The following PPAT variants were observed in gnomAD, a reference collection of about 807,000 sequenced individuals.
PPAT encodes the protein amidophosphoribosyltransferase.
In PPAT, 20 loss-of-function variants were observed where a neutral mutation model predicts 60.2. The ratio of observed to expected loss-of-function variants is 0.33; its 90% CI spans 0.23 to 0.48. The LOEUF is 0.48. PPAT is among the 20% of genes least tolerant of loss of function. The probability of loss-of-function intolerance (pLI) is 0.99; values close to 1 mark genes in which losing one functional copy is unlikely to be tolerated. For missense variants in PPAT, 349 were observed against 629.6 expected, an observed-to-expected ratio of 0.55 and a Z score of 4.77; for synonymous variants, 194 against 215.1, an observed-to-expected ratio of 0.90 and a Z score of 0.86.
intron 1 of PPAT, among the ~76,000 whole-genome samples, chr4:56,427,851 A>C (rs1717373757): frequency 6.6e-6 from 1 of 152,122 alleles, no homozygotes; most frequent in African/African-American, 2.4e-5. Flanking sequence ...TTGATATATG[A>C]AGTCTAACAG....
chr4:56,417,402 C>A (rs920480524), intron 1 of PPAT, among the ~76,000 whole-genome samples: 1 of 151,752 alleles, frequency 6.6e-6, no homozygotes, highest in African/African-American at 2.4e-5. Context: ...ATGAACCTGA[C>A]AAAAGTTATT....
chr4:56,395,674 T>TAAA (rs3036882), intron 10 of PPAT, 126 bp from the exon 11 acceptor site: 4 of 467,460 alleles, frequency 8.6e-6, no homozygotes, highest in African/African-American at 4.3e-5. Flanking sequence ...AGCCTTTCTT[T>TAAA]AAAAAAAAAA....
intron 5 of PPAT, among the ~76,000 whole-genome samples, chr4:56,402,820 C>CAAAAAAAAAAAAAAAAAAAAA (rs556899549): frequency 4.5e-5 from 2 of 44,026 alleles, no homozygotes; most frequent in African/African-American, 1.9e-4. Context: ...ACTCGGTCTC[C>CAAAAAAAAAAAAAAAAAAAAA]AAAAAAAAAA....
chr4:56,432,736 G>A (rs754264135), intron 1 of PPAT, among the ~76,000 whole-genome samples: 23 of 146,846 alleles, frequency 1.6e-4, no homozygotes, highest in Non-Finnish European at 2.8e-4. Flanking sequence ...AGTGAGGGGA[G>A]ACTGCGCCAC....
Position 56,403,449 on chromosome 4 carries a change from C to T in PPAT, c.403-48G>A, listed in dbSNP as rs757579698. ...TTAATCATCAGAGGGGAAGCTCCAC[C>T]CCACCCCAAACCCAGTAGCCAACCA... On this transcript the variant is annotated intron_variant, in intron 3 of 10. Transcript: ENST00000264220. 9.8e-6 allele frequency: 14 copies of T among 1,422,588 alleles called. 1 individual carries two copies. In the Admixed American group the frequency reaches 2.2e-4, roughly 22 times the overall value. The allele number at this position is 1,422,588 out of a possible 1,614,324, so 88.1% of individuals were successfully genotyped here. A position where few individuals can be genotyped will look rare whatever the true frequency, so the allele number is the denominator to read the frequency against.
In PPAT at chr4:56,425,375, CA is replaced by C. The variant is rs1406819521; in HGVS notation, c.128+9974del. 53 of 761,046 alleles carry C rather than the reference CA, an allele frequency of 7.0e-5. No homozygotes were observed. In the South Asian group the frequency reaches 1.7e-3, roughly 25 times the overall value. The allele number at this position is 761,046 out of a possible 1,614,324, so 47.1% of individuals were successfully genotyped here. ...AACTTTTCATTTTAATCCAATAGTA[CA>C]TCCAGATAGAGAAGAACTTATTACT... is the stretch of plus-strand genomic sequence containing the variant. On this transcript the variant is annotated intron_variant, in intron 1 of 10. Coordinates refer to ENST00000264220, the MANE Select transcript of PPAT (RefSeq NM_002703.5).
At chr4:56,434,483 C>T (rs192195681) in intron 1 of PPAT, among the ~76,000 whole-genome samples, 74 of 152,334 alleles carry the variant, frequency 4.9e-4, no homozygotes, top group Non-Finnish European at 8.7e-4. Context: ...TTTATATCAA[C>T]TTCCAGTTAA....
chr4:56,430,676 T>G (rs1353262040), intron 1 of PPAT, among the ~76,000 whole-genome samples: 4 of 151,012 alleles, frequency 2.6e-5, no homozygotes, highest in Non-Finnish European at 4.4e-5. Context: ...AAAACTCTTG[T>G]GCGGTTAACC....
intron 6 of PPAT, 98 bp from the exon 7 acceptor site, chr4:56,401,579 G>A: frequency 9.3e-7 from 1 of 1,070,924 alleles, no homozygotes; most frequent in Middle Eastern, 2.3e-4. Context: ...CCTTCCCTTA[G>A]AGAAACAATT....
chr4:56,422,671 A>G (rs1578132626), intron 1 of PPAT: 1 of 152,242 alleles, frequency 6.6e-6, no homozygotes, highest in East Asian at 1.9e-4. Context: ...TGAGGTCATG[A>G]GAGTGGTGCC....
At chr4:56,404,834 C>T (rs570452475) in intron 3 of PPAT, among the ~76,000 whole-genome samples, 1 of 152,176 alleles carries the variant, frequency 6.6e-6, no homozygotes, top group East Asian at 1.9e-4. Flanking sequence ...GGTACAAAAG[C>T]CTGGGTTCTA....
intron 1 of PPAT, among the ~76,000 whole-genome samples, chr4:56,412,314 T>TC (rs1427646885): frequency 6.6e-6 from 1 of 151,922 alleles, no homozygotes; most frequent in Non-Finnish European, 1.5e-5. Flanking sequence ...ATCACCTTTT[T>TC]TTTTTTTTTT....
At chr4:56,431,723 G>T (rs185889366) in intron 1 of PPAT, among the ~76,000 whole-genome samples, 13 of 152,216 alleles carry the variant, frequency 8.5e-5, no homozygotes, top group Admixed American at 6.5e-4. Flanking sequence ...TTCCTTTTAT[G>T]GAATCTTCAA....
chr4:56,417,851 T>G (rs200582350), intron 1 of PPAT, among the ~76,000 whole-genome samples: 28,007 of 150,342 alleles, frequency 0.19, 3,018 homozygotes, highest in Admixed American at 0.32. Context: ...TGTTTTTTTT[T>G]TTTTTTTTGA....
Position 56,395,566 on chromosome 4 carries a change from A to G in PPAT, c.1358-18T>C. 6.7e-7 allele frequency: 1 copy of G among 1,491,116 alleles called. No individual in the cohort carries two copies. The highest frequency in any genetic ancestry group is 8.9e-7 in the Non-Finnish European group (1 of 1,123,412). 92.4% of individuals were successfully genotyped at this position (1,491,116 alleles called of 1,614,324 possible). Reference sequence around the variant, plus strand: ...GTTTGCTCCTAAAGAAAGAGGGAAAAATAAAAATGTAATAAGAATTCCTTT... The same window carrying G: ...GTTTGCTCCTAAAGAAAGAGGGAAAGATAAAAATGTAATAAGAATTCCTTT... On this transcript the variant is annotated intron_variant, in intron 10 of 10. Coordinates refer to ENST00000264220, the MANE Select transcript of PPAT (RefSeq NM_002703.5).
At chr4:56,424,119 T>C (rs1393976999) in intron 1 of PPAT, among the ~76,000 whole-genome samples, 1 of 152,230 alleles carries the variant, frequency 6.6e-6, no homozygotes, top group Non-Finnish European at 1.5e-5. Context: ...TTATTAATAA[T>C]AGCTCCATAT....
intron 1 of PPAT, among the ~76,000 whole-genome samples, chr4:56,426,588 T>C (rs73157733): frequency 0.026 from 4,008 of 152,284 alleles, 152 homozygotes; most frequent in East Asian, 0.2. Context: ...ATCCACGTTG[T>C]AGCATATATC....
At chr4:56,419,309 C>T (rs1716922468) in intron 1 of PPAT, among the ~76,000 whole-genome samples, 1 of 152,028 alleles carries the variant, frequency 6.6e-6, no homozygotes, top group Admixed American at 6.6e-5. Flanking sequence ...TGAACTTCCA[C>T]TATACACTGA....
At chr4:56,429,016 G>C (rs1188552808) in intron 1 of PPAT, 3 of 947,826 alleles carry the variant, frequency 3.2e-6, no homozygotes, top group Admixed American at 1.2e-4. Context: ...GTAAGAGCCA[G>C]AGAAATAACA....
Sources: gnomAD v4.1 joint callset for allele counts (sites outside exome capture counted in the v4.1 genomes callset) on GRCh38, gnomAD v4.1.1 for gene constraint, MANE v1.5 for transcripts, NCBI Gene and HGNC (gene_info 2026-07-23, HGNC 2026-07-21) for gene names.